Variants in LILRB5 observed in about 807,000 individuals in gnomAD.
The protein encoded by LILRB5 is leukocyte immunoglobulin-like receptor subfamily B member 5.
LILRB5 carries 61 observed loss-of-function variants against 68.4 expected under a neutral mutation model. That is an observed-to-expected ratio of 0.89 (90% confidence interval 0.73 to 1.10). The LOEUF (loss-of-function observed/expected upper bound fraction) is 1.10, where lower values mean the gene tolerates loss of function less well. Among genes scored for constraint, LILRB5 ranks in the 50% least tolerant of loss-of-function variants. The pLI, the probability that LILRB5 is intolerant of heterozygous loss-of-function variation, is 0.00. For missense variants in LILRB5, 771 were observed against 751.6 expected (o/e 1.03, Z -0.30); for synonymous variants, 356 against 315.8 (o/e 1.13, Z -1.35).
chr19:54,254,660 C>T (rs773837287), intron 6 of LILRB5, 75 bp downstream of exon 6: 2 of 1,575,516 alleles, frequency 1.3e-6, no homozygotes, highest in East Asian at 2.2e-5. Context: ...GACTCCATCC[C>T]AGCCCAGAGC....
intron 12 of LILRB5, 192 bp downstream of exon 12, chr19:54,251,862 C>T (rs1889418): frequency 0.077 from 58,300 of 761,812 alleles, 2,858 homozygotes; most frequent in Non-Finnish European, 0.092. Context: ...GAAGGGGACC[C>T]GGGAGGAGGC....
chr19:54,254,512 G>A, intron 6 of LILRB5, 97 bp from the exon 7 acceptor site: 1 of 1,410,624 alleles, frequency 7.1e-7, no homozygotes, highest in Non-Finnish European at 9.7e-7. Context: ...ACTTTCTTCT[G>A]CTCACCTTTC....
rs142788541 is a variant in LILRB5 at position 54,256,970 on chromosome 19, C to T, written c.61G>A (p.Val21Met). 1,046 of 1,614,198 alleles carry T rather than the reference C, an allele frequency of 6.5e-4. No homozygotes were observed. The highest frequency in any genetic ancestry group is 1.7e-3 in the African/African-American group (124 of 75,062). ...LGLSVGPRTC[V>M]QAGTLPKPTL... The stretch of plus-strand genomic sequence containing the variant: ...CTGGGGACAGACTCACCTGCCTGCA[C>T]GCAGGTCCTGGGGCCCACACTCAGC... The change falls in exon 2 of 13, where the codon GTG (valine) becomes ATG (methionine). Residue 21 changes from valine (V) to methionine (M), a missense_variant. Physicochemically the swap from Val to Met is conservative, Grantham distance 21. Coordinates refer to ENST00000449561, the MANE Select transcript of LILRB5 (RefSeq NM_001081442.3).
Position 54,252,397 on chromosome 19 carries a change from G to A in LILRB5, c.1545C>T (p.Ser515=). ...TTTCCTCCTGGATGTCAGCAACTGG[G>A]CTGGCCCTGGGGGAGGACACGGGAG... The part of the protein sequence containing the change: ...PKDQGLQKRA[S]PVADIQEEIL... The change falls in exon 11 of 13, where the codon AGC becomes AGT. Residue 515 remains serine, a synonymous_variant. Coordinates refer to ENST00000449561, the MANE Select transcript of LILRB5 (RefSeq NM_001081442.3). 1 of 1,614,146 alleles carries A rather than the reference G, an allele frequency of 6.2e-7. No individual in the cohort carries two copies. Among genetic ancestry groups the A allele is most frequent in the Non-Finnish European group, 8.5e-7 (1 of 1,180,016 alleles).
At position 54,254,553 on chromosome 19, in the gene LILRB5, T is replaced by C. The variant is rs1439139983; in HGVS notation, c.1256-138A>G. 3 of 1,267,814 alleles carry C rather than the reference T, an allele frequency of 2.4e-6. No individual in the cohort carries two copies. The African/African-American group carries it at 4.5e-5, about 19-fold the overall frequency. 78.5% of individuals were successfully genotyped at this position (1,267,814 alleles called of 1,614,324 possible). On this transcript the variant is annotated intron_variant, in intron 6 of 12. Coordinates refer to ENST00000449561, the MANE Select transcript of LILRB5 (RefSeq NM_001081442.3). ...TTGCATCCCAGGAGATGGGGCCAAG[T>C]GTGGGCATGCCTGGGGAGCCCCCGT...
rs771102337 is a variant in LILRB5, at chr19:54,254,339, C to T, written c.1306+26G>A. ...GCCTGGGGGGAGACCACGCTCCCTCCGAGCCCAGAGGCCTCAGTGACTCAC... is the reference window on the plus strand; with the variant it reads ...GCCTGGGGGGAGACCACGCTCCCTCTGAGCCCAGAGGCCTCAGTGACTCAC... On this transcript the variant is annotated intron_variant, in intron 7 of 12. Coordinates refer to ENST00000449561, the MANE Select transcript of LILRB5 (RefSeq NM_001081442.3). 76 of 1,559,852 alleles carry T rather than the reference C, an allele frequency of 4.9e-5. 1 individual carries two copies. In the South Asian group the frequency reaches 6.9e-4, roughly 14 times the overall value.
rs776117393 is a variant in LILRB5 at position 54,252,401 on chromosome 19, G to A, written c.1541C>T (p.Ala514Val). 4.2e-5 allele frequency: 67 copies of A among 1,614,044 alleles called. No individual in the cohort carries two copies. Among genetic ancestry groups the A allele is most frequent in the Non-Finnish European group, 5.4e-5 (64 of 1,180,016 alleles). ...CTCCTGGATGTCAGCAACTGGGCTG[G>A]CCCTGGGGGAGGACACGGGAGTGTG... The part of the protein sequence containing the change: ...EPKDQGLQKR[A>V]SPVADIQEEI... Residue 514 changes from alanine (A) to valine (V), a missense_variant and splice_region_variant, in exon 11 of 13, where the codon GCC becomes GTC. Ala to Val is a moderately conservative substitution (Grantham distance 64). Coordinates refer to ENST00000449561, the MANE Select transcript of LILRB5 (RefSeq NM_001081442.3).
Position 54,257,211 on chromosome 19 carries a change from G to A in LILRB5, c.-18C>T. The A allele has an allele frequency of 6.2e-7, 1 of 1,614,172 alleles. No homozygotes were observed. The highest frequency in any genetic ancestry group is 8.5e-7 in the Non-Finnish European group (1 of 1,180,024). Reference sequence around the variant, plus strand: ...AGGGTCATGGCGTCAGCTCCCACTGGACTCAGCTGTGCAGGCGGATGAGAC... The same window carrying A: ...AGGGTCATGGCGTCAGCTCCCACTGAACTCAGCTGTGCAGGCGGATGAGAC... On this transcript the variant is annotated 5_prime_UTR_variant, in exon 1 of 13. Coordinates refer to ENST00000449561, the MANE Select transcript of LILRB5 (RefSeq NM_001081442.3).
Position 54,250,593 on chromosome 19 carries a change from C to A in LILRB5, c.*193G>T, listed in dbSNP as rs1215255708. 1.1e-5 allele frequency: 7 copies of A among 643,446 alleles called. No individual in the cohort carries two copies. Among genetic ancestry groups the A allele is most frequent in the African/African-American group, 3.7e-5 (2 of 54,752 alleles). The allele number at this position is 643,446 out of a possible 1,614,324, so 39.9% of individuals were successfully genotyped here. A position where few individuals can be genotyped will look rare whatever the true frequency, so the allele number is the denominator to read the frequency against. The stretch of plus-strand genomic sequence containing the variant: ...TATTGAGAAGTCTGTGGCTTCATTT[C>A]AAAAATGCAAGGATATTAGTCATCT... On this transcript the variant is annotated 3_prime_UTR_variant, in exon 13 of 13. Coordinates refer to ENST00000449561, the MANE Select transcript of LILRB5 (RefSeq NM_001081442.3).
chr19:54,257,108 G>C (rs1458624361), intron 1 of LILRB5, 52 bp downstream of exon 1: 1 of 1,614,026 alleles, frequency 6.2e-7, no homozygotes, highest in African/African-American at 1.3e-5. Flanking sequence ...CCTCGCTTTA[G>C]AGTGAGCTCC....
chr19:54,250,832 T>C lies in LILRB5; in HGVS notation c.1730A>G (p.Glu577Gly). 2 of 1,613,976 alleles carry C rather than the reference T, an allele frequency of 1.2e-6. No individual in the cohort carries two copies. The highest frequency in any genetic ancestry group is 1.7e-6 in the Non-Finnish European group (2 of 1,179,986). ...ATEPPPSQER[E>G]PPAEPSIYAP... ...GTAGATGCTGGGTTCAGCTGGAGGT[T>C]CCCTTTCCTGGGATGGAGGAGGCTC... Residue 577 changes from glutamate (E) to glycine (G), a missense_variant, in exon 13 of 13, where the codon GAA (glutamate) becomes GGA (glycine). Physicochemically the swap from Glu to Gly is moderately conservative, Grantham distance 98. Coordinates refer to ENST00000449561, the MANE Select transcript of LILRB5 (RefSeq NM_001081442.3).
chr19:54,253,020 C>A, intron 8 of LILRB5, 33 bp from the exon 9 acceptor site: 13 of 1,446,324 alleles, frequency 9.0e-6, no homozygotes, highest in Non-Finnish European at 1.1e-5. Context: ...ATGGGGATGA[C>A]GTCATTGATG....
Position 54,254,049 on chromosome 19 carries a change from G to C in LILRB5, c.1326C>G (p.Pro442=). 6.3e-7 allele frequency: 1 copy of C among 1,598,652 alleles called. No individual in the cohort carries two copies. The highest frequency in any genetic ancestry group is 8.5e-7 in the Non-Finnish European group (1 of 1,172,454). The stretch of plus-strand genomic sequence containing the variant: ...GGGGATCCAACCCCGTGGGGGTGAG[G>C]GGCTGGTCCTCAGGGCCTGCTGGGT... ...TPTPAGPEDQ[P]LTPTGLDPQS... Residue 442 remains proline (P), a synonymous_variant, in exon 8 of 13, where the codon CCC becomes CCG. Transcript: ENST00000449561.
chr19:54,251,204 T>A (rs746573379), intron 12 of LILRB5: 3 of 1,535,504 alleles, frequency 2.0e-6, no homozygotes, highest in Non-Finnish European at 2.7e-6. Flanking sequence ...TGTCCTTGAG[T>A]CCCCCTGACC....
In LILRB5 at chr19:54,256,526, C is replaced by A. The variant is rs200838628; in HGVS notation, c.318G>T (p.Trp106Cys). The change falls in exon 3 of 13, where the codon TGG (tryptophan) becomes TGT (cysteine). Residue 106 changes from tryptophan to cysteine, a missense_variant. Transcript: ENST00000449561. ...YRCYYETPAG[W>C]SEPSDPLELV... ...GCTCCAGGGGGTCACTGGGCTCTGA[C>A]CAGCCTGCAGGGGTCTCATAGTAGC... The A allele has an allele frequency of 1.2e-6, 2 of 1,614,144 alleles. No individual in the cohort carries two copies. The highest frequency in any genetic ancestry group is 1.7e-6 in the Non-Finnish European group (2 of 1,179,996).
chr19:54,253,755 G>A (rs2079031520), intron 8 of LILRB5: 3 of 1,288,700 alleles, frequency 2.3e-6, no homozygotes, highest in South Asian at 2.6e-5. Flanking sequence ...GGAGCTGCAG[G>A]GAAAGAGCCT....
In LILRB5 at chr19:54,252,481, A is replaced by T; in HGVS notation, c.1538+5T>A. 1 of 1,614,102 alleles carries T rather than the reference A, an allele frequency of 6.2e-7. No individual in the cohort carries two copies. The highest frequency in any genetic ancestry group is 8.5e-7 in the Non-Finnish European group (1 of 1,180,020). On this transcript the variant is annotated splice_donor_5th_base_variant and intron_variant, in intron 10 of 12. Coordinates refer to ENST00000449561, the MANE Select transcript of LILRB5 (RefSeq NM_001081442.3). Reference sequence around the variant, plus strand: ...TGGGAGTCTTGGGTCTTCATGCAGAATTACCTCTTCTGCAGGCCCTGGTCC... The same window carrying T: ...TGGGAGTCTTGGGTCTTCATGCAGATTTACCTCTTCTGCAGGCCCTGGTCC...
At position 54,255,793 on chromosome 19, in the gene LILRB5, C is replaced by T. The variant is rs537572292; in HGVS notation, c.656-211G>A. 17 of 714,630 alleles carry T rather than the reference C, an allele frequency of 2.4e-5. No homozygotes were observed. The East Asian group carries it at 4.2e-4, about 18-fold the overall frequency. 44.3% of individuals were successfully genotyped at this position (714,630 alleles called of 1,614,324 possible). On this transcript the variant is annotated intron_variant, in intron 4 of 12. Coordinates refer to ENST00000449561, the MANE Select transcript of LILRB5 (RefSeq NM_001081442.3). ...CTGGCCACTGTCTGTCTGGTCTGTC[C>T]TCTCCTCATTGAGGGACAGGAAATT...
Position 54,251,876 on chromosome 19 carries a change from C to G in LILRB5, c.1629+178G>C. On this transcript the variant is annotated intron_variant, in intron 12 of 12. Coordinates refer to ENST00000449561, the MANE Select transcript of LILRB5 (RefSeq NM_001081442.3). ...GGAAGGGGACCCGGGAGGAGGCCCA[C>G]GAGGTCCCAGGACAGCAGAAGAGAG... is the stretch of plus-strand genomic sequence containing the variant. The G allele has an allele frequency of 3.8e-6, 3 of 798,400 alleles. No homozygotes were observed. The South Asian group carries it at 4.1e-5, about 11-fold the overall frequency. 49.5% of individuals were successfully genotyped at this position (798,400 alleles called of 1,614,324 possible).
Sources: allele counts gnomAD v4.1 joint callset, GRCh38; gene constraint gnomAD v4.1.1; transcripts MANE v1.5; gene names NCBI Gene and HGNC (gene_info 2026-07-23, HGNC 2026-07-21).